CEP57L1: variants seen among roughly 807,000 people sequenced by gnomAD.
CEP57L1 encodes centrosomal protein CEP57L1.
Under a neutral mutation model 61.0 loss-of-function variants are expected in CEP57L1, and 37 were observed. The observed-to-expected ratio is 0.61, with a 90% CI of 0.47 to 0.80. The LOEUF is 0.80. Ranked by LOEUF, CEP57L1 falls within the 30% of genes least tolerant of loss-of-function variation. The probability of loss-of-function intolerance (pLI) is 0.00; values close to 1 mark genes in which losing one functional copy is unlikely to be tolerated. For synonymous variants in CEP57L1, 137 were observed against 162.3 expected, an observed-to-expected ratio of 0.84 and a Z score of 1.19; for missense variants, 422 against 524.7, an observed-to-expected ratio of 0.80 and a Z score of 1.91.
rs1366581596 is a variant in CEP57L1, at chr6:109,171,294, A to C, written c.*8324A>C. The stretch of plus-strand genomic sequence containing the variant: ...GCTCTTGTTGCCCAAGCTGGAGTGC[A>C]ATGGCGCGATCTCAGCTCACTGCAA... On this transcript the variant is annotated 3_prime_UTR_variant, in exon 11 of 11. Transcript: ENST00000517392. Among the ~76,000 whole-genome samples the C allele has an allele frequency of 1.3e-5, 2 of 150,512 alleles. No homozygotes were observed. Among genetic ancestry groups the C allele is most frequent in the African/African-American group, 4.9e-5 (2 of 40,626 alleles).
intron 1 of CEP57L1, among the ~76,000 whole-genome samples, chr6:109,096,337 T>G (rs1394705010): frequency 4.6e-5 from 7 of 152,138 alleles, no homozygotes; most frequent in Admixed American, 2.6e-4. Flanking sequence ...TTAGAGGAAC[T>G]AGTTGTTAGA....
At chr6:109,117,354 G>A (rs1487874334) in intron 1 of CEP57L1, among the ~76,000 whole-genome samples, 6 of 152,164 alleles carry the variant, frequency 3.9e-5, no homozygotes, top group African/African-American at 1.4e-4. Flanking sequence ...TCTATCTTTT[G>A]ATGGTCTGTA....
In CEP57L1 at chr6:109,169,838, T is replaced by C. The variant is rs938808454; in HGVS notation, c.*6868T>C. On this transcript the variant is annotated 3_prime_UTR_variant, in exon 11 of 11. Coordinates refer to ENST00000517392, the MANE Select transcript of CEP57L1 (RefSeq NM_001271852.3). Reference sequence around the variant, plus strand: ...AAGATCTGTTATTTGACAAACCCTATTTTTCCGAGCATCAACAGTCAGTGG... The same window carrying C: ...AAGATCTGTTATTTGACAAACCCTACTTTTCCGAGCATCAACAGTCAGTGG... Among the ~76,000 whole-genome samples the C allele has an allele frequency of 5.3e-5, 8 of 152,176 alleles. No individual in the cohort carries two copies. The highest frequency in any genetic ancestry group is 1.9e-4 in the African/African-American group (8 of 41,438).
In CEP57L1 at chr6:109,170,056, G is replaced by C. The variant is rs1346266707; in HGVS notation, c.*7086G>C. Among the ~76,000 whole-genome samples the C allele has an allele frequency of 6.6e-6, 1 of 152,076 alleles. No individual in the cohort carries two copies. Among genetic ancestry groups the C allele is most frequent in the Non-Finnish European group, 1.5e-5 (1 of 68,002 alleles). On this transcript the variant is annotated 3_prime_UTR_variant, in exon 11 of 11. Transcript: ENST00000517392. ...TTGGCCTTTAATATCCTATTTAATA[G>C]ATTTCTTATAACCATATCAGCAAAG...
intron 5 of CEP57L1, among the ~76,000 whole-genome samples, chr6:109,154,823 A>C (rs1182797405): frequency 6.6e-6 from 1 of 152,078 alleles, no homozygotes; most frequent in Non-Finnish European, 1.5e-5. Context: ...TTCTCCCAAA[A>C]GTACACTCTT....
intron 1 of CEP57L1, among the ~76,000 whole-genome samples, chr6:109,119,914 A>G (rs1772756856): frequency 6.6e-6 from 1 of 152,202 alleles, no homozygotes; most frequent in African/African-American, 2.4e-5. Flanking sequence ...TTGATAGTTC[A>G]AAAAAGATTT....
In CEP57L1 at chr6:109,165,158, A is replaced by G. The variant is rs1774015928; in HGVS notation, c.*2188A>G. Among the ~76,000 whole-genome samples the G allele has an allele frequency of 6.6e-6, 1 of 152,092 alleles. No homozygotes were observed. The highest frequency in any genetic ancestry group is 2.1e-4 in the South Asian group (1 of 4,824). Reference sequence around the variant, plus strand: ...ATTTTCTTAAAAATTAGTCCAGTGTAGTAGAAAAAACCACAACTTCAGAGC... The same window carrying G: ...ATTTTCTTAAAAATTAGTCCAGTGTGGTAGAAAAAACCACAACTTCAGAGC... On this transcript the variant is annotated 3_prime_UTR_variant, in exon 11 of 11. Coordinates refer to ENST00000517392, the MANE Select transcript of CEP57L1 (RefSeq NM_001271852.3).
At chr6:109,110,513 A>T (rs998392230) in intron 1 of CEP57L1, among the ~76,000 whole-genome samples, 2 of 152,168 alleles carry the variant, frequency 1.3e-5, no homozygotes, top group Non-Finnish European at 2.9e-5. Flanking sequence ...TGCTATGCAG[A>T]AGCTCTTTAG....
chr6:109,145,300 C>G lies in CEP57L1; in HGVS notation c.79C>G (p.Gln27Glu). 2.5e-6 allele frequency: 4 copies of G among 1,606,028 alleles called. No individual in the cohort carries two copies. Among genetic ancestry groups the G allele is most frequent in the Non-Finnish European group, 3.4e-6 (4 of 1,173,414 alleles). ...PERVFVPSFT[Q>E]NEPSQNCHPA... ...AAGAGTATTTGTTCCCTCATTCACC[C>G]AGAATGAACCATCTCAGAATTGCCA... The change falls in exon 2 of 11, where the codon CAG (glutamine) becomes GAG (glutamate). Residue 27 changes from glutamine to glutamate, a missense_variant. Gln to Glu is a conservative substitution (Grantham distance 29). Coordinates refer to ENST00000517392, the MANE Select transcript of CEP57L1 (RefSeq NM_001271852.3).
At chr6:109,145,016 G>A (rs138686096) in intron 1 of CEP57L1, among the ~76,000 whole-genome samples, 291 of 152,102 alleles carry the variant, frequency 1.9e-3, no homozygotes, top group Admixed American at 3.9e-3. Context: ...AGGCAGAATT[G>A]TCAGTACTGC....
intron 1 of CEP57L1, among the ~76,000 whole-genome samples, chr6:109,129,737 T>A (rs1489643041): frequency 2.0e-5 from 3 of 152,280 alleles, no homozygotes; most frequent in Non-Finnish European, 2.9e-5. Flanking sequence ...CATACATCTG[T>A]TTTCCATTTT....
chr6:109,125,626 C>T (rs1274301017), intron 1 of CEP57L1, among the ~76,000 whole-genome samples: 1 of 150,858 alleles, frequency 6.6e-6, no homozygotes, highest in African/African-American at 2.4e-5. Flanking sequence ...TGCTGCTACT[C>T]GGGAGGCTGA....
chr6:109,133,758 C>G (rs1017388559), intron 1 of CEP57L1, among the ~76,000 whole-genome samples: 1 of 152,156 alleles, frequency 6.6e-6, no homozygotes, highest in Admixed American at 6.5e-5. Context: ...GAAATACAAA[C>G]TGCCATCAGA....
rs998620235 is a variant in CEP57L1 at position 109,141,303 on chromosome 6, C to T, written c.-3-3916C>T. 3.2e-4 allele frequency among the ~76,000 whole-genome samples: 49 copies of T among 152,144 alleles called. 1 individual carries two copies. Among genetic ancestry groups the T allele is most frequent in the African/African-American group, 1.1e-3 (47 of 41,496 alleles). On this transcript the variant is annotated intron_variant, in intron 1 of 10. Coordinates refer to ENST00000517392, the MANE Select transcript of CEP57L1 (RefSeq NM_001271852.3). ...CAATCTCGGCTCACTGCAGCCTCCA[C>T]CTCCCAGGTTCAAGTGATTCTTCTG...
chr6:109,142,946 G>GCTCTCTCT (rs35714375), intron 1 of CEP57L1, among the ~76,000 whole-genome samples: 8 of 55,516 alleles, frequency 1.4e-4, no homozygotes, highest in South Asian at 1.3e-3. Context: ...TGTCTCTCTT[G>GCTCTCTCT]CTCTCTCTCT....
Position 109,150,268 on chromosome 6 carries a change from A to G in CEP57L1, c.462+29A>G, listed in dbSNP as rs745822988. Reference sequence around the variant, plus strand: ...AGCATATTTTCTATAAGGAATGATAATATAATTTTGTATGTTTTTGAAGAA... The same window carrying G: ...AGCATATTTTCTATAAGGAATGATAGTATAATTTTGTATGTTTTTGAAGAA... On this transcript the variant is annotated intron_variant, in intron 4 of 10. Coordinates refer to ENST00000517392, the MANE Select transcript of CEP57L1 (RefSeq NM_001271852.3). 8 of 1,579,184 alleles carry G rather than the reference A, an allele frequency of 5.1e-6. No homozygotes were observed. The South Asian group carries it at 7.9e-5, about 16-fold the overall frequency.
chr6:109,149,061 C>T (rs1241507052), intron 3 of CEP57L1, among the ~76,000 whole-genome samples: 1 of 152,156 alleles, frequency 6.6e-6, no homozygotes, highest in Non-Finnish European at 1.5e-5. Flanking sequence ...TTCTCCCATT[C>T]TGTAGGTTGC....
rs1774110838 is a variant in CEP57L1, at chr6:109,166,460, T to G, written c.*3490T>G. 6.6e-6 allele frequency among the ~76,000 whole-genome samples: 1 copy of G among 151,492 alleles called. No homozygotes were observed. The highest frequency in any genetic ancestry group is 1.5e-5 in the Non-Finnish European group (1 of 67,920). ...GTGCAGTGGCACGATCTCAGCTCAC[T>G]GCAACCTCCACCTCTCAGGTTCAAG... is the stretch of plus-strand genomic sequence containing the variant. On this transcript the variant is annotated 3_prime_UTR_variant, in exon 11 of 11. Coordinates refer to ENST00000517392, the MANE Select transcript of CEP57L1 (RefSeq NM_001271852.3).
rs557303655 is a variant in CEP57L1, at chr6:109,116,084, CATTTT to C, written c.-4+20537_-4+20541del. ...GGAATTCTATTTCCTCCCTATTAAG[CATTTT>C]ATTTTATTTTATTTTATTTTATTTT... On this transcript the variant is annotated intron_variant, in intron 1 of 10. Coordinates refer to ENST00000517392, the MANE Select transcript of CEP57L1 (RefSeq NM_001271852.3). 3.2e-3 allele frequency among the ~76,000 whole-genome samples: 457 copies of C among 144,894 alleles called. 1 individual carries two copies. Among genetic ancestry groups the C allele is most frequent in the South Asian group, 0.02 (86 of 4,380 alleles).
Sources: allele counts gnomAD v4.1 joint callset (sites outside exome capture counted in the v4.1 genomes callset), GRCh38; gene constraint gnomAD v4.1.1; transcripts MANE v1.5; gene names NCBI Gene and HGNC (gene_info 2026-07-23, HGNC 2026-07-21).